ZNF804B: variants seen among roughly 807,000 people sequenced by gnomAD.
ZNF804B encodes zinc finger protein 804B.
A neutral mutation model predicts 101.4 loss-of-function variants in ZNF804B; 80 were observed. That is an observed-to-expected ratio of 0.79 (90% confidence interval 0.66 to 0.95). The LOEUF (loss-of-function observed/expected upper bound fraction) is 0.95, where lower values mean the gene tolerates loss of function less well. Ranked by LOEUF, ZNF804B falls within the 40% of genes least tolerant of loss-of-function variation. The pLI is 0.00. For missense variants in ZNF804B, 1,673 were observed against 1,561.9 expected, an observed-to-expected ratio of 1.07 and a Z score of -1.20; for synonymous variants, 622 against 558.8, an observed-to-expected ratio of 1.11 and a Z score of -1.59.
intron 1 of ZNF804B, among the ~76,000 whole-genome samples, chr7:88,972,285 T>C (rs111412449): frequency 0.024 from 3,704 of 151,700 alleles, 70 homozygotes; most frequent in Non-Finnish European, 0.039. Context: ...TTAAACTGTT[T>C]CCAGTTTCTC....
At chr7:89,173,342 T>A (rs947076284) in intron 1 of ZNF804B, among the ~76,000 whole-genome samples, 1 of 152,002 alleles carries the variant, frequency 6.6e-6, no homozygotes, top group African/African-American at 2.4e-5. Context: ...GTAATTTAAA[T>A]AAGTTAAATT....
chr7:89,241,767 T>C (rs1789374828), intron 2 of ZNF804B, among the ~76,000 whole-genome samples: 1 of 151,626 alleles, frequency 6.6e-6, no homozygotes, highest in South Asian at 2.1e-4. Flanking sequence ...TGCAACTCCA[T>C]TGCTAGTCAC....
chr7:88,854,537 T>TTCCTTCCCTTCCCTTCCCTTCCCTTC (rs774304273), intron 1 of ZNF804B, among the ~76,000 whole-genome samples: 3 of 95,180 alleles, frequency 3.2e-5, no homozygotes, highest in South Asian at 4.7e-4. Context: ...TTTCCTTCCT[T>TTCCTTCCCTTCCCTTCCCTTCCCTTC]CCTTCCTTCC....
intron 1 of ZNF804B, among the ~76,000 whole-genome samples, chr7:88,858,584 T>C (rs2115850592): frequency 6.6e-6 from 1 of 152,244 alleles, no homozygotes; most frequent in African/African-American, 2.4e-5. Context: ...GATGTGCTGC[T>C]GTAGGATCCC....
At chr7:89,196,035 C>T (rs189068607) in intron 1 of ZNF804B, among the ~76,000 whole-genome samples, 1 of 151,970 alleles carries the variant, frequency 6.6e-6, no homozygotes, top group African/African-American at 2.4e-5. Flanking sequence ...ACATTCTTCA[C>T]AGAATTAGAA....
chr7:88,920,014 G>A (rs1175515555), intron 1 of ZNF804B, among the ~76,000 whole-genome samples: 1 of 151,982 alleles, frequency 6.6e-6, no homozygotes, highest in Non-Finnish European at 1.5e-5. Flanking sequence ...TGTACAAAGA[G>A]GAACTTTGGC....
At chr7:89,025,916 C>T (rs1788743835) in intron 1 of ZNF804B, among the ~76,000 whole-genome samples, 1 of 152,122 alleles carries the variant, frequency 6.6e-6, no homozygotes, top group South Asian at 2.1e-4. Flanking sequence ...TATAAATTCA[C>T]TGCCAAAGTT....
intron 2 of ZNF804B, among the ~76,000 whole-genome samples, chr7:89,270,123 A>T (rs1397598400): frequency 3.3e-5 from 5 of 152,146 alleles, no homozygotes; most frequent in Admixed American, 1.3e-4. Context: ...GGTGTTCTAG[A>T]CATGAAGTCC....
At chr7:88,855,862 A>G (rs1259856673) in intron 1 of ZNF804B, among the ~76,000 whole-genome samples, 1 of 152,152 alleles carries the variant, frequency 6.6e-6, no homozygotes, top group Non-Finnish European at 1.5e-5. Context: ...TAAATAGGGA[A>G]TCCTTTCCCC....
At chr7:89,107,057 G>GGGAAAATGAAGTGA (rs1790146738) in intron 1 of ZNF804B, among the ~76,000 whole-genome samples, 1 of 152,022 alleles carries the variant, frequency 6.6e-6, no homozygotes, top group African/African-American at 2.4e-5. Context: ...AGTTATTAAA[G>GGGAAAATGAAGTGA]GGAAAATGAA....
At chr7:88,825,772 A>G (rs1161636681) in intron 1 of ZNF804B, among the ~76,000 whole-genome samples, 1 of 152,062 alleles carries the variant, frequency 6.6e-6, no homozygotes. Flanking sequence ...GCTCAGTTCC[A>G]TCTGTACCTG....
At chr7:89,024,047 T>G (rs537585156) in intron 1 of ZNF804B, among the ~76,000 whole-genome samples, 1 of 152,330 alleles carries the variant, frequency 6.6e-6, no homozygotes, top group African/African-American at 2.4e-5. Context: ...CTATATTTCT[T>G]AATGCTTCAC....
intron 1 of ZNF804B, among the ~76,000 whole-genome samples, chr7:88,941,173 A>G (rs1793049612): frequency 6.6e-6 from 1 of 152,040 alleles, no homozygotes; most frequent in African/African-American, 2.4e-5. Flanking sequence ...GGGACTCCAA[A>G]ATGGTACAAT....
chr7:88,839,436 G>A (rs561129679), intron 1 of ZNF804B, among the ~76,000 whole-genome samples: 8 of 152,020 alleles, frequency 5.3e-5, no homozygotes, highest in South Asian at 2.1e-4. Flanking sequence ...GAATACTGCT[G>A]TCCAGAAAGT....
chr7:88,973,940 T>C (rs747218514), intron 1 of ZNF804B, among the ~76,000 whole-genome samples: 8 of 151,368 alleles, frequency 5.3e-5, no homozygotes, highest in Non-Finnish European at 1.2e-4. Context: ...AATAGTGAGA[T>C]GTTCATTACT....
intron 1 of ZNF804B, among the ~76,000 whole-genome samples, chr7:89,124,391 T>C (rs896592867): frequency 2.0e-5 from 3 of 152,144 alleles, no homozygotes; most frequent in African/African-American, 7.2e-5. Flanking sequence ...AGCATACTGA[T>C]GATCCATGAG....
At chr7:88,954,131 AT>A (rs1487958243) in intron 1 of ZNF804B, among the ~76,000 whole-genome samples, 2 of 151,704 alleles carry the variant, frequency 1.3e-5, no homozygotes, top group African/African-American at 4.8e-5. Context: ...AAAAATAGAT[AT>A]TTTCAGAAAA....
chr7:88,925,138 A>G (rs763586184), intron 1 of ZNF804B, among the ~76,000 whole-genome samples: 7 of 152,160 alleles, frequency 4.6e-5, no homozygotes, highest in Non-Finnish European at 7.3e-5. Flanking sequence ...CCTTAGTCTC[A>G]CATTGTAAAG....
intron 2 of ZNF804B, among the ~76,000 whole-genome samples, chr7:89,285,881 C>CTTTTTAGAAAAAAAAAGCCACAAAGGA (rs1790189437): frequency 1.3e-5 from 2 of 152,102 alleles, no homozygotes; most frequent in African/African-American, 4.8e-5. Context: ...ACCTCTTTTG[C>CTTTTTAGAAAAAAAAAGCCACAAAGGA]CTCTGTCACC....
Sources: allele counts gnomAD v4.1 joint callset (sites outside exome capture counted in the v4.1 genomes callset), GRCh38; gene constraint gnomAD v4.1.1; transcripts MANE v1.5; gene names NCBI Gene and HGNC (gene_info 2026-07-23, HGNC 2026-07-21).